AKAP6: variants seen among roughly 807,000 people sequenced by gnomAD.
AKAP6 encodes the protein A-kinase anchoring protein 6, also known as A-kinase anchor protein 6.
AKAP6 carries 58 observed loss-of-function variants against 188.5 expected under a neutral mutation model. The observed-to-expected ratio is 0.31, with a 90% CI of 0.25 to 0.38. The LOEUF is 0.38. Among genes scored for constraint, AKAP6 ranks in the 10% least tolerant of loss-of-function variants. The pLI, the probability that AKAP6 is intolerant of heterozygous loss-of-function variation, is 1.00. For missense variants in AKAP6, 2,710 were observed against 2,740.0 expected (o/e 0.99, Z 0.24); for synonymous variants, 989 against 998.6 (o/e 0.99, Z 0.18).
intron 8 of AKAP6, among the ~76,000 whole-genome samples, chr14:32,693,183 C>G (rs1180375198): frequency 6.6e-6 from 1 of 152,094 alleles, no homozygotes; most frequent in Non-Finnish European, 1.5e-5. Context: ...GAGGCTTCCT[C>G]CCACAGAGGG....
chr14:32,778,150 T>C (rs767716181), intron 12 of AKAP6, among the ~76,000 whole-genome samples: 4 of 152,086 alleles, frequency 2.6e-5, no homozygotes, highest in Non-Finnish European at 5.9e-5. Flanking sequence ...AACCTGAGGA[T>C]ATTCATTACC....
intron 2 of AKAP6, among the ~76,000 whole-genome samples, chr14:32,470,219 G>A (rs769138974): frequency 1.4e-4 from 21 of 152,046 alleles, no homozygotes; most frequent in Non-Finnish European, 2.4e-4. Context: ...GGCCACACCT[G>A]GGAACTGTTA....
intron 12 of AKAP6, among the ~76,000 whole-genome samples, chr14:32,817,241 G>A (rs1415714060): frequency 8.5e-5 from 13 of 152,122 alleles, no homozygotes; most frequent in Non-Finnish European, 1.5e-5. Flanking sequence ...CCATACACAT[G>A]CAGAGGGTAT....
chr14:32,711,797 G>A (rs748364256), intron 9 of AKAP6, among the ~76,000 whole-genome samples: 4 of 151,932 alleles, frequency 2.6e-5, no homozygotes, highest in Non-Finnish European at 5.9e-5. Context: ...AAGGAAGATT[G>A]AGAAGCCATG....
chr14:32,358,987 C>G (rs560148087), intron 1 of AKAP6, among the ~76,000 whole-genome samples: 1 of 152,132 alleles, frequency 6.6e-6, no homozygotes, highest in African/African-American at 2.4e-5. Context: ...CAGGCTGGTC[C>G]CAAAGCCAGG....
At chr14:32,635,049 A>G (rs1887429082) in intron 7 of AKAP6, among the ~76,000 whole-genome samples, 1 of 152,014 alleles carries the variant, frequency 6.6e-6, no homozygotes, top group South Asian at 2.1e-4. Flanking sequence ...GCTGAGTTTA[A>G]TCAGGGGAAT....
chr14:32,823,986 A>C lies in AKAP6; in HGVS notation c.6173A>C (p.Asn2058Thr), dbSNP rs780189389. The C allele has an allele frequency of 6.2e-7, 1 of 1,613,962 alleles. No individual in the cohort carries two copies. The highest frequency in any genetic ancestry group is 1.1e-5 in the South Asian group (1 of 91,080). ...QKDAEDCSVH[N>T]FVKEIIDMAS... is the part of the protein sequence containing the mutation. ...GATGCCGAAGATTGTTCAGTACACA[A>C]CTTTGTTAAGGAAATCATTGACATG... is the stretch of plus-strand genomic sequence containing the variant. Residue 2058 changes from asparagine (N) to threonine (T), a missense_variant, in exon 13 of 14, where the codon AAC becomes ACC. By Grantham distance (65) the Asn-to-Thr change is moderately conservative. This residue lies in a region of AKAP6 where 2,473 missense variants were observed against 2,426.1 expected (regional missense o/e 1.02). Coordinates refer to ENST00000280979, the MANE Select transcript of AKAP6 (RefSeq NM_004274.5).
chr14:32,509,542 A>T (rs569916797), intron 2 of AKAP6, among the ~76,000 whole-genome samples: 2 of 152,216 alleles, frequency 1.3e-5, no homozygotes, highest in Admixed American at 6.5e-5. Context: ...ATAATTTCTT[A>T]AAAAAGTTTA....
rs533167183 is a variant in AKAP6 at position 32,828,399 on chromosome 14, C to T, written c.*43-1449C>T. Among the ~76,000 whole-genome samples the T allele has an allele frequency of 1.0e-3, 155 of 152,224 alleles. 3 individuals carry two copies. The highest frequency in any genetic ancestry group is 2.9e-3 in the South Asian group (14 of 4,826). On this transcript the variant is annotated intron_variant, in intron 13 of 13. Coordinates refer to ENST00000280979, the MANE Select transcript of AKAP6 (RefSeq NM_004274.5). Reference sequence around the variant, plus strand: ...TTACCTTTAAAATCACTTTAATAAACCAATGTTTTGCTGGATGTGAAGTGT... The same window carrying T: ...TTACCTTTAAAATCACTTTAATAAATCAATGTTTTGCTGGATGTGAAGTGT...
At chr14:32,682,995 C>CTTTTTTTTT (rs71115090) in intron 8 of AKAP6, among the ~76,000 whole-genome samples, 15 of 142,306 alleles carry the variant, frequency 1.1e-4, no homozygotes, top group South Asian at 2.3e-4. Context: ...TTTTTTCTTC[C>CTTTTTTTTT]TTTTTTTTTT....
chr14:32,378,695 A>G (rs1888238366), intron 1 of AKAP6, among the ~76,000 whole-genome samples: 1 of 152,216 alleles, frequency 6.6e-6, no homozygotes, highest in South Asian at 2.1e-4. Context: ...AGCTATTAAG[A>G]TGACCAAAAC....
chr14:32,609,880 GACACACACACAC>G (rs71115085), intron 7 of AKAP6, among the ~76,000 whole-genome samples: 28,041 of 137,344 alleles, frequency 0.2, 2,836 homozygotes, highest in Admixed American at 0.28. Context: ...CTCTCTCTCT[GACACACACACAC>G]ACACACACAC....
At chr14:32,787,398 G>T (rs971059009) in intron 12 of AKAP6, among the ~76,000 whole-genome samples, 12 of 152,030 alleles carry the variant, frequency 7.9e-5, no homozygotes, top group Non-Finnish European at 1.8e-4. Context: ...GGTGTACCTC[G>T]CCATTGTAAC....
chr14:32,782,907 T>C (rs1427436833), intron 12 of AKAP6, among the ~76,000 whole-genome samples: 1 of 151,988 alleles, frequency 6.6e-6, no homozygotes, highest in East Asian at 1.9e-4. Context: ...TGTAAGCTGA[T>C]TCTAAAATTC....
At chr14:32,782,543 G>A (rs1411829352) in intron 12 of AKAP6, among the ~76,000 whole-genome samples, 1 of 151,748 alleles carries the variant, frequency 6.6e-6, no homozygotes. Flanking sequence ...AACAAATAAG[G>A]GAAGTTAACA....
intron 1 of AKAP6, among the ~76,000 whole-genome samples, chr14:32,383,157 G>C (rs1231569485): frequency 6.6e-6 from 1 of 151,604 alleles, no homozygotes; most frequent in Non-Finnish European, 1.5e-5. Context: ...AAAGTAATGA[G>C]AGAAGCTGAA....
At chr14:32,624,434 T>C (rs1371488512) in intron 7 of AKAP6, among the ~76,000 whole-genome samples, 4 of 152,168 alleles carry the variant, frequency 2.6e-5, no homozygotes, top group Non-Finnish European at 5.9e-5. Context: ...ACATTTTAAA[T>C]TGCTTAAAGT....
At chr14:32,734,382 T>C (rs965507358) in intron 10 of AKAP6, 2 of 152,158 alleles carry the variant, frequency 1.3e-5, no homozygotes, top group Non-Finnish European at 2.9e-5. Flanking sequence ...TGTGAAATTG[T>C]GTCCCCTGTG....
chr14:32,654,974 A>G (rs1042736336), intron 7 of AKAP6, among the ~76,000 whole-genome samples: 5 of 152,204 alleles, frequency 3.3e-5, no homozygotes, highest in African/African-American at 1.2e-4. Flanking sequence ...TGCAACCACA[A>G]TCTTGTTTAT....
Sources: allele counts gnomAD v4.1 joint callset (sites outside exome capture counted in the v4.1 genomes callset), GRCh38; gene constraint gnomAD v4.1.1; regional missense constraint gnomAD v4.1.1; transcripts MANE v1.5; gene names NCBI Gene and HGNC (gene_info 2026-07-23, HGNC 2026-07-21).